MCOLN1: variants seen among roughly 807,000 people sequenced by gnomAD.
The protein encoded by MCOLN1 is mucolipin TRP cation channel 1, also known as mucolipin-1.
Under a neutral mutation model 70.3 loss-of-function variants are expected in MCOLN1, and 50 were observed. The observed-to-expected ratio is 0.71, with a 90% CI of 0.57 to 0.90. The LOEUF (loss-of-function observed/expected upper bound fraction) is 0.90, where lower values mean the gene tolerates loss of function less well. Ranked by LOEUF, MCOLN1 falls within the 40% of genes least tolerant of loss-of-function variation. The pLI, the probability that MCOLN1 is intolerant of heterozygous loss-of-function variation, is 0.00. For missense variants in MCOLN1, 598 were observed against 803.5 expected (o/e 0.74, Z 3.09); for synonymous variants, 366 against 341.0 (o/e 1.07, Z -0.81).
rs372370104 is a variant in MCOLN1, at chr19:7,525,010, G to T, written c.81G>T (p.Gly27=). The T allele has an allele frequency of 1.2e-6, 2 of 1,613,802 alleles. No homozygotes were observed. The highest frequency in any genetic ancestry group is 1.7e-6 in the Non-Finnish European group (2 of 1,179,962). The change falls in exon 2 of 14, where the codon GGG becomes GGT. Residue 27 remains glycine, a synonymous_variant. Transcript: ENST00000264079. This position sits in a 1 kb window ranked among gnomAD's most constrained non-coding sequence, Gnocchi z 4.2. ...TPNPGYGTQA[G]PSPAPPTPPE... ...ACCCCGGGTATGGGACCCAGGCGGG[G>T]CCTTCACCGGCCCCTCCGACACCCC...
At chr19:7,529,263 C>A in intron 10 of MCOLN1, 61 bp downstream of exon 10, 1 of 1,453,818 alleles carries the variant, frequency 6.9e-7, no homozygotes, top group Non-Finnish European at 9.6e-7. Flanking sequence ...CCAAATAAAT[C>A]CCTACACACG....
intron 1 of MCOLN1, among the ~76,000 whole-genome samples, chr19:7,523,073 C>A (rs1020536199): frequency 6.6e-6 from 1 of 152,128 alleles, no homozygotes; most frequent in African/African-American, 2.4e-5. Context: ...CCACTGGGAG[C>A]CTAGGTTCCG....
In MCOLN1 at chr19:7,533,777, T is replaced by C; in HGVS notation, c.1725T>C (p.His575=). ...CCCGRDPSEE[H]SLLVN is the part of the protein sequence containing the mutation. ...CCTCCAGGGACCCCTCGGAGGAGCATTCGCTGCTGGTGAATTGATTCGACC... is the reference window on the plus strand; with the variant it reads ...CCTCCAGGGACCCCTCGGAGGAGCACTCGCTGCTGGTGAATTGATTCGACC... Residue 575 remains histidine, a synonymous_variant, in exon 14 of 14, where the codon CAT becomes CAC. Transcript: ENST00000264079. The C allele has an allele frequency of 6.2e-7, 1 of 1,614,164 alleles. No homozygotes were observed. The highest frequency in any genetic ancestry group is 8.5e-7 in the Non-Finnish European group (1 of 1,180,026).
rs1415222944 is a variant in MCOLN1 at position 7,529,085 on chromosome 19, C to T, written c.1135-16C>T. The T allele has an allele frequency of 2.5e-6, 4 of 1,613,600 alleles. No homozygotes were observed. The highest frequency in any genetic ancestry group is 3.4e-6 in the Non-Finnish European group (4 of 1,179,826). ...AAGGGCTGGGCCAGATAGGTTGACG[C>T]AGCTCCCACCCGCAGAACTTGGCGA... On this transcript the variant is annotated splice_polypyrimidine_tract_variant and intron_variant, in intron 9 of 13. Coordinates refer to ENST00000264079, the MANE Select transcript of MCOLN1 (RefSeq NM_020533.3).
chr19:7,530,232 C>T (rs1390123853), intron 11 of MCOLN1, 54 bp from the exon 12 acceptor site: 1 of 1,492,912 alleles, frequency 6.7e-7, no homozygotes, highest in Non-Finnish European at 9.3e-7. Flanking sequence ...TGACCCCAGC[C>T]CCCGGTTCCT....
At position 7,529,310 on chromosome 19, in the gene MCOLN1, GCCT is replaced by G. The variant is rs902685460; in HGVS notation, c.1236+118_1236+120del. ...AGCCCCGGCCAATGGCCCCTTGCAA[GCCT>G]CCTCCTCCTACCTGCCCACACCAGA... is the stretch of plus-strand genomic sequence containing the variant. On this transcript the variant is annotated intron_variant, in intron 10 of 13. Transcript: ENST00000264079. The G allele has an allele frequency of 4.1e-4, 441 of 1,073,164 alleles. 2 individuals carry two copies. Among genetic ancestry groups the G allele is most frequent in the Admixed American group, 3.6e-4 (19 of 53,066 alleles). 66.5% of individuals were successfully genotyped at this position (1,073,164 alleles called of 1,614,324 possible). A position where few individuals can be genotyped will look rare whatever the true frequency, so the allele number is the denominator to read the frequency against.
intron 4 of MCOLN1, chr19:7,527,284 A>AC (rs2022585953): frequency 1.8e-6 from 1 of 545,698 alleles, no homozygotes; most frequent in South Asian, 2.1e-5. Context: ...AAAAAAAAAA[A>AC]AAAAAAAAAA....
rs998999909 is a variant in MCOLN1, at chr19:7,524,601, T to C, written c.32-360T>C. 2.0e-5 allele frequency among the ~76,000 whole-genome samples: 3 copies of C among 152,200 alleles called. No homozygotes were observed. The highest frequency in any genetic ancestry group is 7.2e-5 in the African/African-American group (3 of 41,454). Reference sequence around the variant, plus strand: ...TGATGAAATGTTCTGACATTCACCATGGACCAGCCCCTGTGATCAATGCTT... The same window carrying C: ...TGATGAAATGTTCTGACATTCACCACGGACCAGCCCCTGTGATCAATGCTT... On this transcript the variant is annotated intron_variant, in intron 1 of 13. Coordinates refer to ENST00000264079, the MANE Select transcript of MCOLN1 (RefSeq NM_020533.3). This position sits in a 1 kb window ranked among gnomAD's most constrained non-coding sequence, Gnocchi z 4.1.
intron 11 of MCOLN1, among the ~76,000 whole-genome samples, 200 bp downstream of exon 11, chr19:7,529,912 T>C (rs1474739378): frequency 6.6e-6 from 1 of 152,218 alleles, no homozygotes; most frequent in African/African-American, 2.4e-5. Context: ...ACTCCCCTCC[T>C]GCTCTATCTA....
At position 7,527,645 on chromosome 19, in the gene MCOLN1, C is replaced by A; in HGVS notation, c.680+17C>A. On this transcript the variant is annotated intron_variant, in intron 5 of 13. Coordinates refer to ENST00000264079, the MANE Select transcript of MCOLN1 (RefSeq NM_020533.3). ...ATTCCACAAGTACTGCCTGCTCACT[C>A]GAGGGGGGCCCAGGGTGGGGGAGGC... 1 of 1,550,248 alleles carries A rather than the reference C, an allele frequency of 6.5e-7. No individual in the cohort carries two copies. The highest frequency in any genetic ancestry group is 8.9e-7 in the Non-Finnish European group (1 of 1,121,746).
In MCOLN1 at chr19:7,525,273, C is replaced by T; in HGVS notation, c.237+107C>T. 1.9e-6 allele frequency: 2 copies of T among 1,033,662 alleles called. No homozygotes were observed. The highest frequency in any genetic ancestry group is 2.9e-6 in the Non-Finnish European group (2 of 680,726). The allele number at this position is 1,033,662 out of a possible 1,614,324, so 64.0% of individuals were successfully genotyped here. ...TTGGAAGGCCGAGGCCGGTGGATCG[C>T]TTGAGGCTGGGAGTTCAAGACCAGT... On this transcript the variant is annotated intron_variant, in intron 2 of 13. Transcript: ENST00000264079. This position sits in a 1 kb window ranked among gnomAD's most constrained non-coding sequence, Gnocchi z 4.2.
In MCOLN1 at chr19:7,525,490, C is replaced by CA. The variant is rs3029891; in HGVS notation, c.237+335dup. 124,047 of 257,242 alleles carry CA rather than the reference C, an allele frequency of 0.48. 21,902 individuals carry two copies. Among genetic ancestry groups the CA allele is most frequent in the Admixed American group, 0.5 (9,282 of 18,604 alleles). The allele number at this position is 257,242 out of a possible 1,614,324, so 15.9% of individuals were successfully genotyped here. On this transcript the variant is annotated intron_variant, in intron 2 of 13. Transcript: ENST00000264079. The surrounding 1 kb of genome is among the most constrained non-coding windows in gnomAD (Gnocchi z 4.2). ...CCTGGGCAACAGAGCAAGACTGTCTCAAAAAAAAAAAGAAGCCGACTCTGA... is the reference window on the plus strand; with the variant it reads ...CCTGGGCAACAGAGCAAGACTGTCTCAAAAAAAAAAAAGAAGCCGACTCTGA...
chr19:7,532,386 T>A (rs1227139250), intron 12 of MCOLN1, among the ~76,000 whole-genome samples: 2 of 152,076 alleles, frequency 1.3e-5, no homozygotes, highest in African/African-American at 4.8e-5. Flanking sequence ...ATCACTAGTC[T>A]CTAGCCCTAT....
Position 7,525,028 on chromosome 19 carries a change from G to A in MCOLN1, c.99G>A (p.Pro33=), listed in dbSNP as rs760801246. 7.4e-6 allele frequency: 12 copies of A among 1,613,584 alleles called. No individual in the cohort carries two copies. Among genetic ancestry groups the A allele is most frequent in the Middle Eastern group, 1.7e-4 (1 of 5,932 alleles). ...GTQAGPSPAP[P]TPPEEEDLRR... ...AGGCGGGGCCTTCACCGGCCCCTCC[G>A]ACACCCCCAGAAGAGGAAGACCTTC... is the stretch of plus-strand genomic sequence containing the variant. Residue 33 remains proline, a synonymous_variant, in exon 2 of 14, where the codon CCG becomes CCA. Coordinates refer to ENST00000264079, the MANE Select transcript of MCOLN1 (RefSeq NM_020533.3). This position sits in a 1 kb window ranked among gnomAD's most constrained non-coding sequence, Gnocchi z 4.2.
At position 7,525,133 on chromosome 19, in the gene MCOLN1, G is replaced by A. The variant is rs1481445686; in HGVS notation, c.204G>A (p.Leu68=). The A allele has an allele frequency of 6.2e-7, 1 of 1,614,136 alleles. No homozygotes were observed. Among genetic ancestry groups the A allele is most frequent in the Non-Finnish European group, 8.5e-7 (1 of 1,180,028 alleles). Residue 68 remains leucine (L), a synonymous_variant, in exon 2 of 14, where the codon CTG becomes CTA. Transcript: ENST00000264079. This position sits in a 1 kb window ranked among gnomAD's most constrained non-coding sequence, Gnocchi z 4.2. ...AKGRKPCKLM[L]QVVKILVVTV... ...GCCGCAAGCCCTGCAAGCTGATGCT[G>A]CAAGTGGTCAAGATCCTGGTGGTCA... is the stretch of plus-strand genomic sequence containing the variant.
chr19:7,531,610 A>G (rs1599256686), intron 12 of MCOLN1, among the ~76,000 whole-genome samples: 1 of 151,568 alleles, frequency 6.6e-6, no homozygotes, highest in South Asian at 2.1e-4. Flanking sequence ...CCCAACCCTG[A>G]CCCCAGCCCC....
chr19:7,526,122 A>T lies in MCOLN1; in HGVS notation c.238-317A>T, dbSNP rs767967249. On this transcript the variant is annotated intron_variant, in intron 2 of 13. Coordinates refer to ENST00000264079, the MANE Select transcript of MCOLN1 (RefSeq NM_020533.3). The surrounding 1 kb of genome is among the most constrained non-coding windows in gnomAD (Gnocchi z 4.6). ...TACCCTGAAAGTTTGGGTTTAACACAGAATCGGACATCCAGTAAACATTTA... is the reference window on the plus strand; with the variant it reads ...TACCCTGAAAGTTTGGGTTTAACACTGAATCGGACATCCAGTAAACATTTA... The T allele has an allele frequency of 9.2e-6, 4 of 436,938 alleles. No homozygotes were observed. The highest frequency in any genetic ancestry group is 2.0e-5 in the African/African-American group (1 of 49,878). 27.1% of individuals were successfully genotyped at this position (436,938 alleles called of 1,614,324 possible).
intron 11 of MCOLN1, 62 bp from the exon 12 acceptor site, chr19:7,530,224 A>G: frequency 6.9e-7 from 1 of 1,442,344 alleles, no homozygotes; most frequent in Non-Finnish European, 9.7e-7. Context: ...CCCCAGCCTG[A>G]CCCCAGCCCC....
In MCOLN1 at chr19:7,526,755, C is replaced by T. The variant is rs528669009; in HGVS notation, c.406-6C>T. On this transcript the variant is annotated splice_region_variant and splice_polypyrimidine_tract_variant and intron_variant, in intron 3 of 13. Coordinates refer to ENST00000264079, the MANE Select transcript of MCOLN1 (RefSeq NM_020533.3). This position sits in a 1 kb window ranked among gnomAD's most constrained non-coding sequence, Gnocchi z 4.6. ...ACTCACAGGCCCTCCCCTTCTCTGC[C>T]CACAGTACCTGGCGTTGCCTGACGT... is the stretch of plus-strand genomic sequence containing the variant. The T allele has an allele frequency of 6.2e-6, 10 of 1,613,704 alleles. No homozygotes were observed. The highest frequency in any genetic ancestry group is 5.3e-5 in the African/African-American group (4 of 75,008).
Sources: allele counts gnomAD v4.1 joint callset (sites outside exome capture counted in the v4.1 genomes callset), GRCh38; gene constraint gnomAD v4.1.1; non-coding constraint Gnocchi (gnomAD v3.1); transcripts MANE v1.5; gene names NCBI Gene and HGNC (gene_info 2026-07-23, HGNC 2026-07-21).